The following PINX1 variants were observed in gnomAD, a reference collection of about 807,000 sequenced individuals.
PINX1 encodes PIN2 (TERF1) interacting telomerase inhibitor 1.
In PINX1, 34 loss-of-function variants were observed where a neutral mutation model predicts 25.4. The observed-to-expected ratio is 1.34, with a 90% CI of 1.02 to 1.78. PINX1 has a LOEUF of 1.78. Ranked by LOEUF, PINX1 falls within the 40% of genes most tolerant of loss-of-function variation. PINX1 has a pLI of 0.00. For synonymous variants in PINX1, 197 were observed against 147.7 expected (o/e 1.33, Z -2.42); for missense variants, 592 against 404.9 (o/e 1.46, Z -3.97).
At chr8:10,809,796 T>C (rs1290693054) in intron 6 of PINX1, among the ~76,000 whole-genome samples, 1 of 152,264 alleles carries the variant, frequency 6.6e-6, no homozygotes, top group Admixed American at 6.5e-5. Flanking sequence ...ATCACCATCC[T>C]CGTTCATCAT....
intron 6 of PINX1, among the ~76,000 whole-genome samples, chr8:10,815,941 G>A (rs903522715): frequency 3.9e-5 from 6 of 152,192 alleles, no homozygotes; most frequent in African/African-American, 1.4e-4. Flanking sequence ...GCACTGGGTA[G>A]TGACCCCTGC....
rs150403391 is a variant in PINX1, at chr8:10,799,234, CTT to C, written c.471+20957_471+20958del. On this transcript the variant is annotated intron_variant, in intron 6 of 6. Transcript: ENST00000314787. ...TAAATAATTTTATTATAAACATAAACTTATGTTTTATGCTGTTAACTATATTT... is the reference window on the plus strand; with the variant it reads ...TAAATAATTTTATTATAAACATAAACATGTTTTATGCTGTTAACTATATTT... Among the ~76,000 whole-genome samples the C allele has an allele frequency of 9.4e-3, 1,427 of 151,856 alleles. 25 individuals carry two copies. Among genetic ancestry groups the C allele is most frequent in the African/African-American group, 0.033 (1,360 of 41,408 alleles).
intron 6 of PINX1, among the ~76,000 whole-genome samples, chr8:10,791,737 T>C (rs1801928997): frequency 6.6e-6 from 1 of 152,178 alleles, no homozygotes. Context: ...AGAGAGAGTC[T>C]GACTACAAAC....
intron 6 of PINX1, among the ~76,000 whole-genome samples, chr8:10,819,331 A>C (rs1276118586): frequency 1.3e-5 from 2 of 152,196 alleles, no homozygotes; most frequent in Non-Finnish European, 2.9e-5. Flanking sequence ...GGAATCAATA[A>C]ACCAAGTCTT....
chr8:10,769,719 G>A (rs1407473249), intron 6 of PINX1, among the ~76,000 whole-genome samples: 3 of 152,184 alleles, frequency 2.0e-5, no homozygotes, highest in African/African-American at 4.8e-5. Flanking sequence ...CACTTAATCC[G>A]CAGAAGGTCT....
At chr8:10,838,194 A>G (rs1798461738) in intron 1 of PINX1, among the ~76,000 whole-genome samples, 1 of 152,090 alleles carries the variant, frequency 6.6e-6, no homozygotes, top group Non-Finnish European at 1.5e-5. Flanking sequence ...GCTCAATCAA[A>G]CTCTGTATAA....
rs575238203 is a variant in PINX1, at chr8:10,801,483, T to C, written c.471+18710A>G. 3.3e-5 allele frequency among the ~76,000 whole-genome samples: 5 copies of C among 152,348 alleles called. No individual in the cohort carries two copies. In the East Asian group the frequency reaches 5.8e-4, roughly 18 times the overall value. On this transcript the variant is annotated intron_variant, in intron 6 of 6. Coordinates refer to ENST00000314787, the MANE Select transcript of PINX1 (RefSeq NM_017884.6). ...AGGAAGAAGATCAGAGCAGGTATGG[T>C]GTGGTCCCCTCGCCTAGAAGCAAAA...
intron 5 of PINX1, among the ~76,000 whole-genome samples, chr8:10,821,496 C>G (rs911910015): frequency 2.6e-5 from 4 of 152,178 alleles, no homozygotes; most frequent in African/African-American, 9.7e-5. Context: ...ACACTAAGCC[C>G]TCCTGCTTTT....
At chr8:10,823,708 G>C (rs964423521) in intron 5 of PINX1, among the ~76,000 whole-genome samples, 1 of 152,170 alleles carries the variant, frequency 6.6e-6, no homozygotes, top group Non-Finnish European at 1.5e-5. Flanking sequence ...CACACCTGTA[G>C]TCCCAGCACG....
At position 10,767,218 on chromosome 8, in the gene PINX1, T is replaced by C. The variant is rs984606188; in HGVS notation, c.472-1302A>G. ...GCTGGCAAGGTTCTGCTTGTGCAGG[T>C]AACTGAATTACAAACCACCTATAAA... is the stretch of plus-strand genomic sequence containing the variant. On this transcript the variant is annotated intron_variant, in intron 6 of 6. Coordinates refer to ENST00000314787, the MANE Select transcript of PINX1 (RefSeq NM_017884.6). Among the ~76,000 whole-genome samples, 3 of 152,202 alleles carry C rather than the reference T, an allele frequency of 2.0e-5. No homozygotes were observed. The South Asian group carries it at 6.2e-4, about 32-fold the overall frequency.
chr8:10,791,431 G>A (rs1024503908), intron 6 of PINX1, among the ~76,000 whole-genome samples: 3 of 152,166 alleles, frequency 2.0e-5, no homozygotes, highest in Non-Finnish European at 4.4e-5. Flanking sequence ...GACCAGCTTA[G>A]GGATGGCAGC....
intron 5 of PINX1, among the ~76,000 whole-genome samples, chr8:10,823,359 T>C (rs1469425104): frequency 1.3e-5 from 2 of 152,136 alleles, no homozygotes; most frequent in African/African-American, 4.8e-5. Flanking sequence ...TTATGCAACT[T>C]TCATCCAACA....
chr8:10,787,842 G>C (rs1385100346), intron 6 of PINX1: 1 of 456,190 alleles, frequency 2.2e-6, no homozygotes, highest in South Asian at 1.5e-5. Context: ...AGAAAAAAGA[G>C]AGAAGGAATG....
chr8:10,797,953 A>T (rs576445379), intron 6 of PINX1, among the ~76,000 whole-genome samples: 13 of 152,362 alleles, frequency 8.5e-5, no homozygotes, highest in South Asian at 2.1e-4. Flanking sequence ...ATGATGAGCT[A>T]AACAGTCCTT....
At chr8:10,826,372 T>G in intron 4 of PINX1, 128 bp from the exon 5 acceptor site, 1 of 565,206 alleles carries the variant, frequency 1.8e-6, no homozygotes, top group South Asian at 2.4e-5. Context: ...CTTTCATTCA[T>G]TTGCTCTGCA....
chr8:10,833,058 T>A (rs1442815034), intron 2 of PINX1, 74 bp from the exon 3 acceptor site: 63 of 886,546 alleles, frequency 7.1e-5, no homozygotes, highest in Non-Finnish European at 1.1e-4. Flanking sequence ...GCTACAAAAC[T>A]CACAGATGCC....
Position 10,825,478 on chromosome 8 carries a change from G to T in PINX1, c.394+674C>A, listed in dbSNP as rs74675323. On this transcript the variant is annotated intron_variant, in intron 5 of 6. Coordinates refer to ENST00000314787, the MANE Select transcript of PINX1 (RefSeq NM_017884.6). ...ACAAACTGGGGAGTTGGTTCTATTA[G>T]GTTAAATTGCTTCTTTCCAATGCAA... 352 of 534,092 alleles carry T rather than the reference G, an allele frequency of 6.6e-4. 3 individuals are homozygous for T. The highest frequency in any genetic ancestry group is 5.8e-3 in the African/African-American group (301 of 52,068). The allele number at this position is 534,092 out of a possible 1,614,324, so 33.1% of individuals were successfully genotyped here. A position where few individuals can be genotyped will look rare whatever the true frequency, so the allele number is the denominator to read the frequency against.
At chr8:10,825,541 A>C (rs182467812) in intron 5 of PINX1, 1 of 508,158 alleles carries the variant, frequency 2.0e-6, no homozygotes, top group African/African-American at 1.9e-5. Context: ...AACCGCATGC[A>C]CAAATGATTT....
intron 6 of PINX1, among the ~76,000 whole-genome samples, chr8:10,780,666 A>G (rs1004092706): frequency 6.6e-6 from 1 of 152,192 alleles, no homozygotes; most frequent in Non-Finnish European, 1.5e-5. Flanking sequence ...TAGGAGGTAA[A>G]AGACCTGTAC....
Sources: gnomAD v4.1 joint callset for allele counts (sites outside exome capture counted in the v4.1 genomes callset) on GRCh38, gnomAD v4.1.1 for gene constraint, MANE v1.5 for transcripts, NCBI Gene and HGNC (gene_info 2026-07-23, HGNC 2026-07-21) for gene names.